The following HTR1F variants were observed in gnomAD, a reference collection of about 807,000 sequenced individuals.
HTR1F encodes 5-hydroxytryptamine (serotonin) receptor 1F, G protein-coupled.
Under a neutral mutation model 24.0 loss-of-function variants are expected in HTR1F, and 17 were observed. The ratio of observed to expected loss-of-function variants is 0.71; its 90% confidence interval spans 0.48 to 1.06. The LOEUF (loss-of-function observed/expected upper bound fraction) is 1.06. Among genes scored for constraint, HTR1F ranks in the 50% least tolerant of loss-of-function variants. HTR1F has a pLI of 0.00. For missense variants in HTR1F, 391 were observed against 427.8 expected, an observed-to-expected ratio of 0.91 and a Z score of 0.76; for synonymous variants, 186 against 156.8, an observed-to-expected ratio of 1.19 and a Z score of -1.39.
intron 2 of HTR1F, among the ~76,000 whole-genome samples, chr3:87,955,938 G>C (rs1339123155): frequency 6.6e-6 from 1 of 151,258 alleles, no homozygotes. Flanking sequence ...TATATGGTCT[G>C]GATACAAATA....
At chr3:87,895,115 T>G (rs1243837781) in intron 2 of HTR1F, among the ~76,000 whole-genome samples, 1 of 152,154 alleles carries the variant, frequency 6.6e-6, no homozygotes, top group Non-Finnish European at 1.5e-5. Flanking sequence ...AGCACAGACT[T>G]GAAGTCACAG....
chr3:87,802,305 T>A (rs1204107203), intron 1 of HTR1F, among the ~76,000 whole-genome samples: 2 of 122,788 alleles, frequency 1.6e-5, no homozygotes, highest in Non-Finnish European at 3.3e-5. Flanking sequence ...CCTCCCTTCC[T>A]TCCTTCCTTC....
chr3:87,846,447 T>A (rs1308585095), intron 2 of HTR1F, among the ~76,000 whole-genome samples: 1 of 149,434 alleles, frequency 6.7e-6, no homozygotes, highest in Non-Finnish European at 1.5e-5. Context: ...AAAAAAAAAA[T>A]ATATTATGAA....
At chr3:87,923,287 A>G (rs1411870781) in intron 2 of HTR1F, among the ~76,000 whole-genome samples, 1 of 151,672 alleles carries the variant, frequency 6.6e-6, no homozygotes, top group African/African-American at 2.4e-5. Flanking sequence ...ATATTTTTTT[A>G]TTTCTGTGAA....
At position 87,991,343 on chromosome 3, in the gene HTR1F, G is replaced by T. The variant is rs753056910; in HGVS notation, c.594G>T (p.Leu198Phe). The part of the protein sequence containing the change: ...GAFYIPLALI[L>F]ILYYKIYRAA... ...TCTACATCCCACTGGCATTGATTTTGATCCTTTACTACAAAATATATAGAG... is the reference window on the plus strand; with the variant it reads ...TCTACATCCCACTGGCATTGATTTTTATCCTTTACTACAAAATATATAGAG... The change falls in exon 3 of 3, where the codon TTG (leucine) becomes TTT (phenylalanine). Residue 198 changes from leucine (L) to phenylalanine (F), a missense_variant. Coordinates refer to ENST00000319595, the MANE Select transcript of HTR1F (RefSeq NM_001322209.2). The T allele has an allele frequency of 1.2e-6, 2 of 1,613,902 alleles. No individual in the cohort carries two copies. Among genetic ancestry groups the T allele is most frequent in the South Asian group, 1.1e-5 (1 of 91,070 alleles).
intron 2 of HTR1F, among the ~76,000 whole-genome samples, chr3:87,917,385 CAA>C (rs371235870): frequency 1.5e-4 from 16 of 107,366 alleles, no homozygotes; most frequent in Admixed American, 1.9e-4. Flanking sequence ...GAAATTGAAG[CAA>C]AAAAAAAAAA....
chr3:87,906,067 G>T (rs1245963083), intron 2 of HTR1F, among the ~76,000 whole-genome samples: 1 of 152,048 alleles, frequency 6.6e-6, no homozygotes, highest in African/African-American at 2.4e-5. Context: ...TTATTGTGTT[G>T]TGCATTATTT....
chr3:87,914,300 C>A (rs755387682), intron 2 of HTR1F, among the ~76,000 whole-genome samples: 6 of 152,146 alleles, frequency 3.9e-5, no homozygotes, highest in African/African-American at 7.2e-5. Context: ...AGAAGGAAAT[C>A]TCCAGCTGAA....
chr3:87,826,391 T>C (rs1559596418), intron 2 of HTR1F, among the ~76,000 whole-genome samples: 1 of 152,222 alleles, frequency 6.6e-6, no homozygotes. Context: ...CATAGCTTTT[T>C]CTACTCTACC....
In HTR1F at chr3:87,993,098, C is replaced by T. The variant is rs1230727498; in HGVS notation, c.*1248C>T. 3 of 167,008 alleles carry T rather than the reference C, an allele frequency of 1.8e-5. No homozygotes were observed. The highest frequency in any genetic ancestry group is 1.9e-4 in the East Asian group (1 of 5,192). The allele number at this position is 167,008 out of a possible 1,614,324, so 10.3% of individuals were successfully genotyped here. A position where few individuals can be genotyped will look rare whatever the true frequency, so the allele number is the denominator to read the frequency against. On this transcript the variant is annotated 3_prime_UTR_variant, in exon 3 of 3. Transcript: ENST00000319595. The stretch of plus-strand genomic sequence containing the variant: ...TTATTTGAACCAGCAAGGTCATAGA[C>T]TACCTTTGGGAAGACCTATCATCAA...
At chr3:87,886,417 T>C (rs1288741020) in intron 2 of HTR1F, among the ~76,000 whole-genome samples, 1 of 152,164 alleles carries the variant, frequency 6.6e-6, no homozygotes, top group Non-Finnish European at 1.5e-5. Context: ...AGCATTCCCT[T>C]TGAAAACTGG....
chr3:87,937,259 C>A (rs75640997), intron 2 of HTR1F, among the ~76,000 whole-genome samples: 1 of 151,976 alleles, frequency 6.6e-6, no homozygotes, highest in East Asian at 1.9e-4. Flanking sequence ...AATCCAGCAA[C>A]ACATTAAACA....
intron 2 of HTR1F, among the ~76,000 whole-genome samples, chr3:87,867,790 G>A (rs1705460473): frequency 6.6e-6 from 1 of 152,084 alleles, no homozygotes. Flanking sequence ...GTTTAAAATG[G>A]TACCACATTG....
intron 2 of HTR1F, among the ~76,000 whole-genome samples, chr3:87,948,620 G>A (rs1704765932): frequency 6.6e-6 from 1 of 151,886 alleles, no homozygotes; most frequent in African/African-American, 2.4e-5. Flanking sequence ...AAGTAGCTGG[G>A]ACTACAGGCT....
chr3:87,883,360 G>T (rs1316637976), intron 2 of HTR1F, among the ~76,000 whole-genome samples: 1 of 152,136 alleles, frequency 6.6e-6, no homozygotes, highest in Non-Finnish European at 1.5e-5. Flanking sequence ...CCACAAAGAT[G>T]GGGAGAAACC....
intron 2 of HTR1F, among the ~76,000 whole-genome samples, chr3:87,941,659 C>G (rs765338365): frequency 3.9e-5 from 6 of 152,094 alleles, no homozygotes; most frequent in Non-Finnish European, 8.8e-5. Context: ...TGAGTTGAGA[C>G]GTTGGGTTTG....
At chr3:87,985,095 G>T (rs757369756) in intron 2 of HTR1F, among the ~76,000 whole-genome samples, 2 of 152,108 alleles carry the variant, frequency 1.3e-5, no homozygotes, top group Non-Finnish European at 2.9e-5. Flanking sequence ...CAGCACTTTG[G>T]GAGGCCGAGG....
Position 87,836,200 on chromosome 3 carries a change from G to A in HTR1F, c.-43+14076G>A, listed in dbSNP as rs117654980. On this transcript the variant is annotated intron_variant, in intron 2 of 2. Coordinates refer to ENST00000319595, the MANE Select transcript of HTR1F (RefSeq NM_001322209.2). ...TCTAGTCAACCAATTCACTGATTTA[G>A]GAAAGACAATACTTCTATTCTGTTA... 2.0e-3 allele frequency among the ~76,000 whole-genome samples: 299 copies of A among 152,230 alleles called. 5 individuals are homozygous for A. In the East Asian group the frequency reaches 0.049, roughly 25 times the overall value.
chr3:87,924,380 T>C (rs1440347059), intron 2 of HTR1F, among the ~76,000 whole-genome samples: 1 of 152,152 alleles, frequency 6.6e-6, no homozygotes, highest in Non-Finnish European at 1.5e-5. Flanking sequence ...GCTTTTTTTC[T>C]TATTGCTTAT....
Sources: allele counts gnomAD v4.1 joint callset (sites outside exome capture counted in the v4.1 genomes callset), GRCh38; gene constraint gnomAD v4.1.1; transcripts MANE v1.5; gene names NCBI Gene and HGNC (gene_info 2026-07-23, HGNC 2026-07-21).